The following BBOF1 variants were observed in gnomAD, a reference collection of about 807,000 sequenced individuals.
The protein encoded by BBOF1 is basal body-orientation factor 1.
In BBOF1, 62 loss-of-function variants were observed where a neutral mutation model predicts 68.0. That is an observed-to-expected ratio of 0.91 (90% CI 0.74 to 1.13). BBOF1 has a LOEUF of 1.13. Ranked by LOEUF, BBOF1 falls within the 50% of genes most tolerant of loss-of-function variation. The probability of loss-of-function intolerance (pLI) is 0.00; values close to 1 mark genes in which losing one functional copy is unlikely to be tolerated. For synonymous variants in BBOF1, 208 were observed against 198.8 expected, an observed-to-expected ratio of 1.05 and a Z score of -0.39; for missense variants, 534 against 600.1, an observed-to-expected ratio of 0.89 and a Z score of 1.15.
rs1275062172 is a variant in BBOF1, at chr14:74,060,648, G to A, written c.1578+3390G>A. On this transcript the variant is annotated intron_variant, in intron 11 of 11. Coordinates refer to ENST00000394009, the MANE Select transcript of BBOF1 (RefSeq NM_025057.3). ...GTCTTAAACAAACTTGTTTCTAACGGCCCATGGTAGGCATGACAACAGCAG... is the reference window on the plus strand; with the variant it reads ...GTCTTAAACAAACTTGTTTCTAACGACCCATGGTAGGCATGACAACAGCAG... The A allele has an allele frequency of 2.5e-6, 4 of 1,607,738 alleles. No homozygotes were observed. In the East Asian group the frequency reaches 8.9e-5, roughly 36 times the overall value.
At chr14:74,070,934 C>CT, downstream of BBOF1, 1 of 479,348 alleles carries the variant, frequency 2.1e-6, no homozygotes, top group Non-Finnish European at 3.8e-6. Flanking sequence ...AAAAAAGTTT[C>CT]TTTTTAATCT....
At chr14:74,050,646 C>T (rs1233617147) in intron 8 of BBOF1, among the ~76,000 whole-genome samples, 3 of 152,044 alleles carry the variant, frequency 2.0e-5, no homozygotes, top group Admixed American at 2.0e-4. Flanking sequence ...CCTCCTGCCT[C>T]AGCCTCTCAA....
chr14:74,059,585 C>T, intron 11 of BBOF1: 1 of 267,964 alleles, frequency 3.7e-6, no homozygotes, highest in Non-Finnish European at 7.4e-6. Context: ...ATCCCAGCTA[C>T]TAGGGGGGCT....
intron 10 of BBOF1, among the ~76,000 whole-genome samples, chr14:74,079,591 C>A (rs2060651524): frequency 6.6e-6 from 1 of 151,990 alleles, no homozygotes; most frequent in Non-Finnish European, 1.5e-5. Context: ...CGCCACCATG[C>A]CTGGCTAGTT....
intron 6 of BBOF1, among the ~76,000 whole-genome samples, chr14:74,046,532 C>T (rs1172015396): frequency 1.3e-5 from 2 of 152,018 alleles, no homozygotes; most frequent in East Asian, 3.9e-4. Flanking sequence ...ACCACCACAC[C>T]TGGCTAATTG....
At position 74,065,164 on chromosome 14, in the gene BBOF1, A is replaced by C; in HGVS notation, c.*465A>C. The C allele has an allele frequency of 6.2e-7, 1 of 1,613,768 alleles. No homozygotes were observed. ...GTAAATGGATATAAGAATCTCTTAA[A>C]AATTCTGTTCACGAACCTGTCCAAC... is the stretch of plus-strand genomic sequence containing the variant. On this transcript the variant is annotated 3_prime_UTR_variant, in exon 12 of 12. Transcript: ENST00000394009.
chr14:74,033,915 G>A, intron 3 of BBOF1, 113 bp from the exon 4 acceptor site: 1 of 538,016 alleles, frequency 1.9e-6, no homozygotes, highest in Non-Finnish European at 3.1e-6. Flanking sequence ...TAGAAAAAAG[G>A]GGGGATATTT....
intron 3 of BBOF1, among the ~76,000 whole-genome samples, chr14:74,033,179 C>T (rs937619471): frequency 1.3e-5 from 2 of 152,066 alleles, no homozygotes; most frequent in Non-Finnish European, 2.9e-5. Flanking sequence ...TAGTAAACAT[C>T]TGCATTTTTT....
At chr14:74,025,345 A>G (rs1453279251) in intron 2 of BBOF1, among the ~76,000 whole-genome samples, 4 of 152,198 alleles carry the variant, frequency 2.6e-5, no homozygotes. Context: ...CATTAAACCA[A>G]AAGAAACAAC....
intron 9 of BBOF1, among the ~76,000 whole-genome samples, chr14:74,056,343 G>A (rs1042996479): frequency 2.6e-5 from 4 of 151,780 alleles, no homozygotes; most frequent in East Asian, 1.9e-4. Flanking sequence ...AGGATTACAG[G>A]GGCCACCACC....
intron 2 of BBOF1, 150 bp downstream of exon 2, chr14:74,023,294 CT>C (rs1317021481): frequency 5.9e-6 from 3 of 506,982 alleles, no homozygotes; most frequent in Non-Finnish European, 1.1e-5. Context: ...AAGCAAGACA[CT>C]TTTTCAGAAT....
chr14:74,028,558 T>G (rs1395806676), intron 2 of BBOF1, among the ~76,000 whole-genome samples: 1 of 148,090 alleles, frequency 6.8e-6, no homozygotes. Flanking sequence ...TATGGGTGAA[T>G]AGTATGGGAA....
At chr14:74,067,417 C>T, downstream of BBOF1, 1 of 1,613,988 alleles carries the variant, frequency 6.2e-7, no homozygotes, top group Non-Finnish European at 8.5e-7. Context: ...GCTCCACCAG[C>T]TCTGGCAGCC....
chr14:74,043,556 C>CAAAAA (rs1162364604), intron 5 of BBOF1, among the ~76,000 whole-genome samples: 2 of 26,824 alleles, frequency 7.5e-5, no homozygotes, highest in Admixed American at 5.8e-4. Flanking sequence ...GACTCCGTCT[C>CAAAAA]AAAAAAAAAA....
At chr14:74,043,530 C>T (rs1302682249) in intron 5 of BBOF1, among the ~76,000 whole-genome samples, 1 of 127,332 alleles carries the variant, frequency 7.9e-6, no homozygotes, top group Admixed American at 9.3e-5. Flanking sequence ...GCAGTCCGGC[C>T]TGGGCAACAG....
intron 4 of BBOF1, among the ~76,000 whole-genome samples, chr14:74,039,917 G>C (rs556330872): frequency 5.3e-4 from 81 of 152,192 alleles, no homozygotes; most frequent in Non-Finnish European, 9.6e-4. Context: ...GGGATAGTAG[G>C]ATAGTACATA....
intron 5 of BBOF1, among the ~76,000 whole-genome samples, chr14:74,044,786 A>G (rs1164035981): frequency 3.3e-5 from 5 of 152,128 alleles, no homozygotes; most frequent in African/African-American, 1.2e-4. Flanking sequence ...TTAGCTGGGC[A>G]TGATGGTAGG....
At chr14:74,064,589 T>C (rs1315112105) in intron 11 of BBOF1, 99 bp from the exon 12 acceptor site, 26 of 1,174,798 alleles carry the variant, frequency 2.2e-5, no homozygotes, top group Non-Finnish European at 3.1e-5. Context: ...TACAAAGGCT[T>C]AGACTTCCCC....
intron 8 of BBOF1, among the ~76,000 whole-genome samples, chr14:74,051,575 A>C (rs2060068499): frequency 6.6e-6 from 1 of 151,806 alleles, no homozygotes; most frequent in South Asian, 2.1e-4. Context: ...TGCCACTATG[A>C]TAAAGGTAAC....
Sources: allele counts gnomAD v4.1 joint callset (sites outside exome capture counted in the v4.1 genomes callset), GRCh38; gene constraint gnomAD v4.1.1; transcripts MANE v1.5; gene names NCBI Gene and HGNC (gene_info 2026-07-23, HGNC 2026-07-21).